The following CLOCK variants were observed in gnomAD, a reference collection of about 807,000 sequenced individuals.
CLOCK encodes circadian locomoter output cycles protein kaput.
A neutral mutation model predicts 118.4 loss-of-function variants in CLOCK; 43 were observed. The observed-to-expected ratio is 0.36, with a 90% CI of 0.28 to 0.47. CLOCK has a LOEUF of 0.47. Ranked by LOEUF, CLOCK falls within the 20% of genes least tolerant of loss-of-function variation. The pLI is 1.00. For synonymous variants in CLOCK, 326 were observed against 339.2 expected (o/e 0.96, Z 0.43); for missense variants, 846 against 999.9 (o/e 0.85, Z 2.08).
intron 7 of CLOCK, among the ~76,000 whole-genome samples, chr4:55,475,103 G>C (rs1472844575): frequency 6.6e-6 from 1 of 152,238 alleles, no homozygotes; most frequent in Admixed American, 6.5e-5. Context: ...GATGGCATGA[G>C]AAGATTTCTG....
intron 7 of CLOCK, among the ~76,000 whole-genome samples, chr4:55,473,484 A>G (rs1482606278): frequency 1.3e-5 from 2 of 152,216 alleles, no homozygotes; most frequent in East Asian, 3.8e-4. Context: ...CTGAATACAT[A>G]AAGAATTAAT....
chr4:55,532,909 C>T (rs1196155533), intron 1 of CLOCK, among the ~76,000 whole-genome samples: 1 of 151,878 alleles, frequency 6.6e-6, no homozygotes, highest in Non-Finnish European at 1.5e-5. Context: ...ATAAACTTAA[C>T]CAAGGAGATA....
In CLOCK at chr4:55,444,616, T is replaced by A; in HGVS notation, c.1692+17A>T. On this transcript the variant is annotated intron_variant, in intron 19 of 22. Transcript: ENST00000513440. ...TGTGAATGGGATGCTTTGTTTGTATTCAAATATAACAATTACCTGCAGCCC... is the reference window on the plus strand; with the variant it reads ...TGTGAATGGGATGCTTTGTTTGTATACAAATATAACAATTACCTGCAGCCC... The A allele has an allele frequency of 6.2e-7, 1 of 1,613,972 alleles. No individual in the cohort carries two copies. Among genetic ancestry groups the A allele is most frequent in the Non-Finnish European group, 8.5e-7 (1 of 1,179,956 alleles).
At chr4:55,511,017 A>T (rs1178751662) in intron 1 of CLOCK, among the ~76,000 whole-genome samples, 1 of 152,196 alleles carries the variant, frequency 6.6e-6, no homozygotes, top group Non-Finnish European at 1.5e-5. Context: ...AAAAGTTCCT[A>T]GAGAGGAATT....
intron 7 of CLOCK, among the ~76,000 whole-genome samples, chr4:55,472,517 A>C (rs1404248680): frequency 1.3e-5 from 2 of 152,008 alleles, no homozygotes; most frequent in Non-Finnish European, 2.9e-5. Context: ...TGGTCAATAC[A>C]CTAAATTCTA....
intron 8 of CLOCK, among the ~76,000 whole-genome samples, chr4:55,468,685 G>A (rs939541917): frequency 1.5e-4 from 23 of 152,172 alleles, no homozygotes; most frequent in African/African-American, 5.5e-4. Flanking sequence ...CAGAAATTTA[G>A]TTATTCTCAA....
chr4:55,442,564 G>A lies in CLOCK; in HGVS notation c.1973C>T (p.Thr658Ile), dbSNP rs1426356922. 6.2e-7 allele frequency: 1 copy of A among 1,612,086 alleles called. No individual in the cohort carries two copies. The highest frequency in any genetic ancestry group is 2.2e-5 in the East Asian group (1 of 44,776). ...CACCATAGTGTTATACAGTGGGGCT[G>A]TAAGAGTGCTCTGTGTCTGACTGGG... The part of the protein sequence containing the change: ...SLPSQTQSTL[T>I]APLYNTMVIS... Residue 658 changes from threonine to isoleucine, a missense_variant, in exon 21 of 23, where the codon ACA (threonine) becomes ATA (isoleucine). Coordinates refer to ENST00000513440, the MANE Select transcript of CLOCK (RefSeq NM_004898.4).
chr4:55,546,031 T>TGCGGCAC (rs1731596274), intron 1 of CLOCK: 2 of 152,274 alleles, frequency 1.3e-5, no homozygotes, highest in African/African-American at 4.8e-5. Context: ...GACTGCGGAC[T>TGCGGCAC]GCGGCACGCG....
intron 21 of CLOCK, 104 bp downstream of exon 21, chr4:55,442,328 T>C: frequency 1.1e-6 from 1 of 938,544 alleles, no homozygotes; most frequent in Non-Finnish European, 1.7e-6. Flanking sequence ...GCAGTGAGCA[T>C]CTCATTAAAA....
chr4:55,483,633 A>G lies in CLOCK; in HGVS notation c.-43-805T>C, dbSNP rs547627360. On this transcript the variant is annotated intron_variant, in intron 3 of 22. Transcript: ENST00000513440. ...AAGAATTTTAAGCGACAGGAATGGC[A>G]ATTTGTAAAGGCACAGGCCTTAGTG... Among the ~76,000 whole-genome samples the G allele has an allele frequency of 1.1e-4, 16 of 152,356 alleles. No homozygotes were observed. The East Asian group carries it at 3.1e-3, about 29-fold the overall frequency.
chr4:55,465,591 T>C (rs142352704), intron 8 of CLOCK, among the ~76,000 whole-genome samples: 1 of 152,140 alleles, frequency 6.6e-6, no homozygotes, highest in South Asian at 2.1e-4. Context: ...ACCAAAAATA[T>C]ATCTGTATTT....
chr4:55,492,539 A>G (rs574908542), intron 2 of CLOCK, among the ~76,000 whole-genome samples: 2 of 152,164 alleles, frequency 1.3e-5, no homozygotes, highest in South Asian at 2.1e-4. Flanking sequence ...ATTCATTGAG[A>G]TATTATTAAA....
intron 8 of CLOCK, among the ~76,000 whole-genome samples, chr4:55,466,731 T>G (rs1725761866): frequency 6.6e-6 from 1 of 152,202 alleles, no homozygotes. Context: ...GGTGTCAAAC[T>G]TTCCATTAAC....
At chr4:55,504,950 CAAGG>C (rs957052699) in intron 2 of CLOCK, among the ~76,000 whole-genome samples, 5 of 151,914 alleles carry the variant, frequency 3.3e-5, no homozygotes, top group African/African-American at 1.2e-4. Context: ...TTTGGGAAGC[CAAGG>C]AAGGCGGATC....
chr4:55,530,837 G>A (rs1730498274), intron 1 of CLOCK, among the ~76,000 whole-genome samples: 2 of 137,318 alleles, frequency 1.5e-5, no homozygotes, highest in African/African-American at 5.4e-5. Context: ...TATAAAAGAG[G>A]AAGATGTCGC....
At chr4:55,522,622 A>G (rs977871537) in intron 1 of CLOCK, among the ~76,000 whole-genome samples, 7 of 152,218 alleles carry the variant, frequency 4.6e-5, no homozygotes, top group African/African-American at 1.7e-4. Flanking sequence ...CTTAAGGAAC[A>G]GTAAGATTAA....
intron 2 of CLOCK, among the ~76,000 whole-genome samples, chr4:55,491,234 T>TAAAAAAA (rs34441416): frequency 9.0e-5 from 4 of 44,358 alleles, no homozygotes; most frequent in East Asian, 6.6e-4. Flanking sequence ...GCAGGTGTGC[T>TAAAAAAA]AAAAAAAAAA....
chr4:55,488,657 C>G (rs1480026940), intron 3 of CLOCK, among the ~76,000 whole-genome samples: 1 of 152,198 alleles, frequency 6.6e-6, no homozygotes, highest in Non-Finnish European at 1.5e-5. Context: ...CCATTCCGAT[C>G]TCAATTAAAA....
intron 9 of CLOCK, among the ~76,000 whole-genome samples, chr4:55,459,639 T>C (rs1004508245): frequency 6.6e-6 from 1 of 151,526 alleles, no homozygotes; most frequent in African/African-American, 2.4e-5. Context: ...CCTTATTCCT[T>C]TAGCATCTAC....
Sources: gnomAD v4.1 joint callset for allele counts (sites outside exome capture counted in the v4.1 genomes callset) on GRCh38, gnomAD v4.1.1 for gene constraint, MANE v1.5 for transcripts, NCBI Gene and HGNC (gene_info 2026-07-23, HGNC 2026-07-21) for gene names.